The following EIF2S2 variants were observed in gnomAD, a reference collection of about 807,000 sequenced individuals.
EIF2S2 encodes eukaryotic translation initiation factor 2 subunit beta.
In EIF2S2, 4 loss-of-function variants were observed where a neutral mutation model predicts 44.0. The observed-to-expected ratio is 0.09, with a 90% confidence interval of 0.04 to 0.21. The LOEUF is 0.21. Among genes scored for constraint, EIF2S2 ranks in the 10% least tolerant of loss-of-function variants. The pLI is 1.00. For synonymous variants in EIF2S2, 108 were observed against 128.3 expected (o/e 0.84, Z 1.07); for missense variants, 154 against 392.0 (o/e 0.39, Z 5.13).
intron 1 of EIF2S2, among the ~76,000 whole-genome samples, chr20:34,109,867 G>A (rs1424731973): frequency 6.6e-6 from 1 of 151,598 alleles, no homozygotes; most frequent in African/African-American, 2.4e-5. Context: ...CACTTCAGGA[G>A]GCTGAGGCAG....
intron 2 of EIF2S2, among the ~76,000 whole-genome samples, chr20:34,104,391 A>T (rs2034325952): frequency 1.3e-5 from 2 of 152,322 alleles, no homozygotes; most frequent in Middle Eastern, 3.4e-3. Flanking sequence ...CAACTGGGTT[A>T]GGTATCCCCA....
chr20:34,097,557 A>T (rs1232418679), intron 4 of EIF2S2, 41 bp from the exon 5 acceptor site: 1 of 1,542,408 alleles, frequency 6.5e-7, no homozygotes, highest in East Asian at 2.2e-5. Flanking sequence ...GGTGGGCCCT[A>T]CTACAATACA....
At chr20:34,105,630 G>A (rs1601538705) in intron 1 of EIF2S2, 85 bp from the exon 2 acceptor site, 3 of 1,276,018 alleles carry the variant, frequency 2.4e-6, no homozygotes, top group Non-Finnish European at 3.2e-6. Flanking sequence ...TCCTCAAAAG[G>A]CATACTCTTA....
chr20:34,090,484 A>G (rs1258953673), intron 8 of EIF2S2, 33 bp downstream of exon 8: 2 of 1,317,756 alleles, frequency 1.5e-6, no homozygotes, highest in Non-Finnish European at 2.1e-6. Context: ...AGAACATTTC[A>G]GGGTGATCTA....
rs1409053768 is a variant in EIF2S2 at position 34,096,755 on chromosome 20, A to C, written c.585T>G (p.Val195=). Residue 195 remains valine (V), a synonymous_variant, in exon 6 of 9, where the codon GTT becomes GTG. Coordinates refer to ENST00000374980, the MANE Select transcript of EIF2S2 (RefSeq NM_003908.5). ...NIMREKNPDM[V]AGEKRKFVMK... is the part of the protein sequence containing the mutation. ...TGACAAATTTCCTTTTCTCCCCAGC[A>C]ACCATATCTGGATTCTTTTCCCTCA... 1.9e-6 allele frequency: 3 copies of C among 1,612,138 alleles called. No homozygotes were observed. The African/African-American group carries it at 4.0e-5, about 22-fold the overall frequency.
chr20:34,092,817 C>T (rs1349556696), intron 7 of EIF2S2, among the ~76,000 whole-genome samples: 1 of 152,236 alleles, frequency 6.6e-6, no homozygotes, highest in African/African-American at 2.4e-5. Flanking sequence ...CCTTAATTAT[C>T]TCTGTACTGC....
intron 1 of EIF2S2, among the ~76,000 whole-genome samples, chr20:34,106,112 G>T (rs991096370): frequency 1.3e-5 from 2 of 151,966 alleles, no homozygotes; most frequent in Non-Finnish European, 2.9e-5. Context: ...TAGAGACGGG[G>T]TCTCCCTCTG....
At chr20:34,092,208 G>A (rs1359004866) in intron 7 of EIF2S2, among the ~76,000 whole-genome samples, 6 of 152,000 alleles carry the variant, frequency 3.9e-5, no homozygotes, top group East Asian at 1.9e-4. Context: ...GAATTTTCTC[G>A]AAAACCCATT....
chr20:34,100,706 A>C (rs911195019), intron 3 of EIF2S2, among the ~76,000 whole-genome samples: 2 of 152,200 alleles, frequency 1.3e-5, no homozygotes, highest in African/African-American at 4.8e-5. Flanking sequence ...GTCTTTGGGC[A>C]TCACTCCAAT....
At chr20:34,108,897 A>G (rs115552875) in intron 1 of EIF2S2, among the ~76,000 whole-genome samples, 22 of 152,212 alleles carry the variant, frequency 1.4e-4, no homozygotes, top group African/African-American at 5.1e-4. Flanking sequence ...ACCAGAACAA[A>G]TGCTAAGTGT....
At chr20:34,093,173 C>G (rs2034187964) in intron 7 of EIF2S2, among the ~76,000 whole-genome samples, 1 of 152,162 alleles carries the variant, frequency 6.6e-6, no homozygotes, top group Non-Finnish European at 1.5e-5. Context: ...GAGATCTTGG[C>G]CTTCCTGAAT....
intron 6 of EIF2S2, among the ~76,000 whole-genome samples, chr20:34,095,460 T>C (rs2122401631): frequency 6.6e-6 from 1 of 152,318 alleles, no homozygotes; most frequent in East Asian, 1.9e-4. Context: ...TACAGGCACG[T>C]GCCACCACGC....
chr20:34,098,143 G>A (rs554756561), intron 4 of EIF2S2, among the ~76,000 whole-genome samples: 2 of 152,192 alleles, frequency 1.3e-5, no homozygotes, highest in African/African-American at 4.8e-5. Flanking sequence ...CTACTCGGGA[G>A]GCTGAGGCGG....
At chr20:34,103,351 G>A in intron 3 of EIF2S2, 111 bp downstream of exon 3, 1 of 1,386,228 alleles carries the variant, frequency 7.2e-7, no homozygotes, top group Middle Eastern at 2.6e-4. Context: ...GCAATTAAGT[G>A]CTAATAACAA....
intron 8 of EIF2S2, 79 bp from the exon 9 acceptor site, chr20:34,089,984 C>CAA (rs1366448162): frequency 8.8e-6 from 13 of 1,471,690 alleles, no homozygotes; most frequent in Middle Eastern, 1.7e-4. Context: ...AATACATCTA[C>CAA]AAAGAACTCC....
At chr20:34,106,023 G>A (rs2034345733) in intron 1 of EIF2S2, among the ~76,000 whole-genome samples, 1 of 151,944 alleles carries the variant, frequency 6.6e-6, no homozygotes, top group South Asian at 2.1e-4. Context: ...CTGGACTCAA[G>A]TGATCCTACC....
chr20:34,090,664 A>C, intron 7 of EIF2S2, 62 bp from the exon 8 acceptor site: 2 of 959,940 alleles, frequency 2.1e-6, no homozygotes, highest in Non-Finnish European at 1.6e-6. Flanking sequence ...ACCAAATTCC[A>C]GCACCTTTAA....
chr20:34,109,147 A>C (rs146939540), intron 1 of EIF2S2, among the ~76,000 whole-genome samples: 154 of 152,260 alleles, frequency 1.0e-3, no homozygotes, highest in African/African-American at 3.4e-3. Flanking sequence ...AACTTCACAC[A>C]ACACACATCC....
chr20:34,095,403 C>T (rs868512208), intron 6 of EIF2S2, among the ~76,000 whole-genome samples: 14 of 151,964 alleles, frequency 9.2e-5, no homozygotes, highest in Admixed American at 3.3e-4. Flanking sequence ...ACCTCTGCCT[C>T]CCAGGTTCAA....
Sources: allele counts gnomAD v4.1 joint callset (sites outside exome capture counted in the v4.1 genomes callset), GRCh38; gene constraint gnomAD v4.1.1; transcripts MANE v1.5; gene names NCBI Gene and HGNC (gene_info 2026-07-23, HGNC 2026-07-21).